The following POLG variants were observed in gnomAD, a reference collection of about 807,000 sequenced individuals.
POLG encodes the protein DNA polymerase gamma, catalytic subunit.
POLG carries 110 observed loss-of-function variants against 155.4 expected under a neutral mutation model. That is an observed-to-expected ratio of 0.71 (90% CI 0.61 to 0.83). The LOEUF (loss-of-function observed/expected upper bound fraction) is 0.83. Among genes scored for constraint, POLG ranks in the 40% least tolerant of loss-of-function variants. The probability of loss-of-function intolerance (pLI) is 0.00; values close to 1 mark genes in which losing one functional copy is unlikely to be tolerated. For synonymous variants in POLG, 701 were observed against 631.5 expected (o/e 1.11, Z -1.65); for missense variants, 1,685 against 1,627.5 (o/e 1.04, Z -0.61).
intron 21 of POLG, chr15:89,317,998 A>T (rs926003060): frequency 3.3e-6 from 1 of 307,344 alleles, no homozygotes. Flanking sequence ...TCAACATGGA[A>T]CGGTAATATT....
At chr15:89,320,225 C>G (rs1410203570) in intron 18 of POLG, among the ~76,000 whole-genome samples, 2 of 152,230 alleles carry the variant, frequency 1.3e-5, no homozygotes, top group Admixed American at 1.3e-4. Context: ...AGTTGTACCT[C>G]TCTTCCCTCA....
rs1489505790 is a variant in POLG, at chr15:89,319,233, T to C, written c.3099A>G (p.Ala1033=). The stretch of plus-strand genomic sequence containing the variant: ...AACACAAAGAAGGTTCTTACTTCCT[T>C]GCAGTTTCTCTCTGGACCTTGCGCA... ...QDLRKVQRET[A]RKSQWKKWEV... Residue 1033 remains alanine (A), a synonymous_variant, in exon 19 of 23, where the codon GCA becomes GCG. Transcript: ENST00000268124. 3 of 1,614,184 alleles carry C rather than the reference T, an allele frequency of 1.9e-6. No individual in the cohort carries two copies. Among genetic ancestry groups the C allele is most frequent in the Non-Finnish European group, 2.5e-6 (3 of 1,180,028 alleles).
intron 19 of POLG, 37 bp from the exon 20 acceptor site, chr15:89,319,136 C>T: frequency 6.2e-7 from 1 of 1,614,110 alleles, no homozygotes; most frequent in South Asian, 1.1e-5. Flanking sequence ...CTTTGTCTTT[C>T]AGCATCTCAA....
intron 18 of POLG, among the ~76,000 whole-genome samples, chr15:89,319,935 C>G (rs1187467726): frequency 6.6e-6 from 1 of 152,162 alleles, no homozygotes; most frequent in Non-Finnish European, 1.5e-5. Flanking sequence ...GCTTCCCCAC[C>G]ACCTGCACCC....
intron 21 of POLG, among the ~76,000 whole-genome samples, 157 bp downstream of exon 21, chr15:89,318,384 C>G (rs900716832): frequency 6.6e-6 from 1 of 152,184 alleles, no homozygotes; most frequent in Non-Finnish European, 1.5e-5. Flanking sequence ...TTTAGGACTT[C>G]TACAACTTTT....
intron 22 of POLG, chr15:89,317,107 A>G: frequency 1.7e-6 from 1 of 592,998 alleles, no homozygotes; most frequent in Non-Finnish European, 3.0e-6. Context: ...AATGCACTCT[A>G]TAGAATAAAT....
At chr15:89,325,197 AGTGAGT>A (rs2055485715) in intron 10 of POLG, among the ~76,000 whole-genome samples, 1 of 84,160 alleles carries the variant, frequency 1.2e-5, no homozygotes, top group Admixed American at 1.1e-4. Flanking sequence ...TGAGTGAGAG[AGTGAGT>A]GAGAGAGTGA....
intron 2 of POLG, 38 bp from the exon 3 acceptor site, chr15:89,330,314 A>C (rs1201084453): frequency 2.0e-6 from 3 of 1,520,334 alleles, no homozygotes; most frequent in Admixed American, 1.7e-5. Flanking sequence ...CACCATGGAG[A>C]CATTAAACTT....
At chr15:89,323,931 A>G (rs1596354732) in intron 11 of POLG, 30 bp from the exon 12 acceptor site, 3 of 1,578,982 alleles carry the variant, frequency 1.9e-6, no homozygotes, top group Non-Finnish European at 2.6e-6. Context: ...AAAGTAGTGA[A>G]GCAGGGGACT....
chr15:89,321,003 G>C lies in POLG; in HGVS notation c.2744C>G (p.Ala915Gly). The C allele has an allele frequency of 1.2e-6, 2 of 1,614,086 alleles. No individual in the cohort carries two copies. The highest frequency in any genetic ancestry group is 1.7e-6 in the Non-Finnish European group (2 of 1,180,028). Residue 915 changes from alanine (A) to glycine (G), a missense_variant, in exon 18 of 23, where the codon GCC (alanine) becomes GGC (glycine). Transcript: ENST00000268124. The stretch of plus-strand genomic sequence containing the variant: ...GCCCTGCAGTGTCATCCACCCAAAG[G>C]CTGTGCAGCCTGGAAGACAAGCAGG... ...AHFAGMHGCT[A>G]FGWMTLQGRK...
At chr15:89,329,283 T>G (rs934950341) in intron 3 of POLG, among the ~76,000 whole-genome samples, 173 bp from the exon 4 acceptor site, 1 of 152,242 alleles carries the variant, frequency 6.6e-6, no homozygotes, top group African/African-American at 2.4e-5. Flanking sequence ...TTGTTCATGC[T>G]TGCCCCATCA....
Position 89,327,325 on chromosome 15 carries a change from G to A in POLG, c.1275C>T (p.Ala425=), listed in dbSNP as rs147404477. The stretch of plus-strand genomic sequence containing the variant: ...AGGAGACACCCATCTCCAGCATGCC[G>A]GCCAGAGTCACTGGGTGGGGACACC... ...LERCPHPVTL[A]GMLEMGVSYL... is the part of the protein sequence containing the mutation. The change falls in exon 7 of 23, where the codon GCC becomes GCT. Residue 425 remains alanine (A), a synonymous_variant. Transcript: ENST00000268124. 6.7e-4 allele frequency: 1,081 copies of A among 1,613,794 alleles called. No individual in the cohort carries two copies. The highest frequency in any genetic ancestry group is 8.2e-4 in the Non-Finnish European group (962 of 1,180,004).
At chr15:89,330,362 G>T in intron 2 of POLG, 86 bp from the exon 3 acceptor site, 2 of 1,023,842 alleles carry the variant, frequency 2.0e-6, no homozygotes, top group Non-Finnish European at 3.0e-6. Flanking sequence ...ACCGCCACAT[G>T]CCAGATGGTG....
At chr15:89,324,368 G>T in intron 10 of POLG, 141 bp from the exon 11 acceptor site, 1 of 965,814 alleles carries the variant, frequency 1.0e-6, no homozygotes, top group Non-Finnish European at 1.6e-6. Flanking sequence ...GCACTTTCCC[G>T]GGTTTTAGAC....
intron 3 of POLG, 105 bp from the exon 4 acceptor site, chr15:89,329,215 TCAAA>T (rs1170930038): frequency 2.3e-6 from 2 of 881,448 alleles, no homozygotes; most frequent in African/African-American, 1.7e-5. Flanking sequence ...CCTCAGCTCC[TCAAA>T]CAGCCTCCCC....
In POLG at chr15:89,321,962, C is replaced by G; in HGVS notation, c.2480G>C (p.Arg827Thr). Residue 827 changes from arginine (R) to threonine (T), a missense_variant and splice_region_variant, in exon 15 of 23, where the codon AGG becomes ACG. Coordinates refer to ENST00000268124, the MANE Select transcript of POLG (RefSeq NM_002693.3). ...CCTACAACCACTCAGCAGACCATACCTGATCACAGCACGGGGCAGAGCTGA... is the reference window on the plus strand; with the variant it reads ...CCTACAACCACTCAGCAGACCATACGTGATCACAGCACGGGGCAGAGCTGA... ...PRSALPRAVIRHPDYDEEGLY... is the reference protein window; with the variant it reads ...PRSALPRAVITHPDYDEEGLY... The G allele has an allele frequency of 1.9e-6, 3 of 1,614,142 alleles. No individual in the cohort carries two copies. Among genetic ancestry groups the G allele is most frequent in the South Asian group, 1.1e-5 (1 of 91,084 alleles).
chr15:89,329,524 C>T (rs1463914560), intron 3 of POLG, among the ~76,000 whole-genome samples: 2 of 152,208 alleles, frequency 1.3e-5, no homozygotes, highest in Non-Finnish European at 2.9e-5. Context: ...GCACCCTCAG[C>T]TATAGGGTAA....
chr15:89,325,479 C>T lies in POLG; in HGVS notation c.1920G>A (p.Leu640=). 1 of 1,606,212 alleles carries T rather than the reference C, an allele frequency of 6.2e-7. No homozygotes were observed. Among genetic ancestry groups the T allele is most frequent in the South Asian group, 1.1e-5 (1 of 91,074 alleles). The change falls in exon 10 of 23, where the codon CTG becomes CTA. Residue 640 remains leucine, a synonymous_variant. Transcript: ENST00000268124. ...NLAKLPTGTT[L]ESAGVVCPYR... The stretch of plus-strand genomic sequence containing the variant: ...AGGGGCAGACCACCCCAGCTGACTC[C>T]AGGGTGGTACCTGTCGGCAGCTTGG...
Position 89,318,715 on chromosome 15 carries a change from C to T in POLG, c.3308G>A (p.Ser1103Asn). 1 of 1,614,206 alleles carries T rather than the reference C, an allele frequency of 6.2e-7. No homozygotes were observed. The highest frequency in any genetic ancestry group is 8.5e-7 in the Non-Finnish European group (1 of 1,180,026). The change falls in exon 21 of 23, where the codon AGC becomes AAC. Residue 1103 changes from serine to asparagine, a missense_variant. By Grantham distance (46) the Ser-to-Asn change is conservative (BLOSUM62 1). Around this residue, in one of 3 missense-constraint regions of POLG, gnomAD observed 470 missense variants for 439.9 expected, o/e 1.07. Coordinates refer to ENST00000268124, the MANE Select transcript of POLG (RefSeq NM_002693.3). ...MTSRVNWVVQ[S>N]SAVDYLHLML... ...GAGGTGTAAGTAGTCAACAGCAGAG[C>T]TCTGTACCACCCAATTCACACGGCT...
Sources: allele counts gnomAD v4.1 joint callset (sites outside exome capture counted in the v4.1 genomes callset), GRCh38; gene constraint gnomAD v4.1.1; regional missense constraint gnomAD v4.1.1; transcripts MANE v1.5; gene names NCBI Gene and HGNC (gene_info 2026-07-23, HGNC 2026-07-21).